Variants in ERC1 observed in about 807,000 individuals in gnomAD.
ERC1 encodes the protein RAB6 interacting protein 2.
ERC1 carries 56 observed loss-of-function variants against 132.0 expected under a neutral mutation model. The observed-to-expected ratio is 0.42, with a 90% confidence interval of 0.34 to 0.53. The LOEUF (loss-of-function observed/expected upper bound fraction) is 0.53. Ranked by LOEUF, ERC1 falls within the 20% of genes least tolerant of loss-of-function variation. The pLI is 0.03. For missense variants in ERC1, 1,202 were observed against 1,349.9 expected (o/e 0.89, Z 1.72); for synonymous variants, 478 against 476.1 (o/e 1.00, Z -0.05).
At chr12:1,082,397 G>A (rs907263685) in intron 2 of ERC1, among the ~76,000 whole-genome samples, 5 of 150,762 alleles carry the variant, frequency 3.3e-5, no homozygotes, top group African/African-American at 1.2e-4. Flanking sequence ...CTGGTGATCC[G>A]CCTGCCTCGG....
At chr12:1,344,236 G>A (rs1002910328) in intron 15 of ERC1, among the ~76,000 whole-genome samples, 26 of 152,056 alleles carry the variant, frequency 1.7e-4, no homozygotes, top group African/African-American at 6.0e-4. Flanking sequence ...GTTGGGGTGG[G>A]GTCTGTCATT....
intron 16 of ERC1, among the ~76,000 whole-genome samples, chr12:1,377,803 G>C (rs1194745754): frequency 6.6e-6 from 1 of 152,056 alleles, no homozygotes; most frequent in East Asian, 1.9e-4. Flanking sequence ...TAGCCACTTG[G>C]AACTTTCCAA....
At chr12:1,010,128 T>G (rs61918689) in intron 1 of ERC1, among the ~76,000 whole-genome samples, 23,405 of 151,870 alleles carry the variant, frequency 0.15, 2,128 homozygotes, top group Non-Finnish European at 0.2. Flanking sequence ...CTTGGTAGAG[T>G]TTATTCAGAG....
At chr12:1,238,129 T>G (rs1162620392) in intron 13 of ERC1, among the ~76,000 whole-genome samples, 1 of 151,852 alleles carries the variant, frequency 6.6e-6, no homozygotes, top group African/African-American at 2.4e-5. Context: ...ACAGTTAATA[T>G]TGGCAGTTTT....
chr12:1,279,062 G>A (rs1352801704), intron 14 of ERC1, among the ~76,000 whole-genome samples: 2 of 152,114 alleles, frequency 1.3e-5, no homozygotes, highest in African/African-American at 4.8e-5. Flanking sequence ...CTAATTGTAT[G>A]TTTTCTCTCT....
chr12:1,123,856 G>A (rs190125780), intron 7 of ERC1, among the ~76,000 whole-genome samples: 13 of 152,314 alleles, frequency 8.5e-5, no homozygotes, highest in African/African-American at 2.9e-4. Flanking sequence ...TGAGCTGGGC[G>A]TGGTGGCACG....
intron 15 of ERC1, among the ~76,000 whole-genome samples, chr12:1,344,602 G>A (rs77844908): frequency 2.0e-5 from 3 of 152,196 alleles, no homozygotes; most frequent in Non-Finnish European, 2.9e-5. Flanking sequence ...AAAAGATACA[G>A]TTAAAAAGAA....
At position 1,159,926 on chromosome 12, in the gene ERC1, A is replaced by G. The variant is rs560988108; in HGVS notation, c.1737+18139A>G. ...GTTCTTGTTTAACGATGTAATGTGTATGAAATCATGCACCTTGGAACCTGT... is the reference window on the plus strand; with the variant it reads ...GTTCTTGTTTAACGATGTAATGTGTGTGAAATCATGCACCTTGGAACCTGT... On this transcript the variant is annotated intron_variant, in intron 8 of 18. Coordinates refer to ENST00000360905, the MANE Select transcript of ERC1 (RefSeq NM_178040.4). 5.3e-5 allele frequency among the ~76,000 whole-genome samples: 8 copies of G among 152,336 alleles called. 1 individual carries two copies. The South Asian group carries it at 1.4e-3, about 28-fold the overall frequency.
intron 12 of ERC1, among the ~76,000 whole-genome samples, chr12:1,227,525 A>G (rs1022117785): frequency 5.3e-5 from 8 of 152,160 alleles, no homozygotes; most frequent in Non-Finnish European, 1.5e-5. Context: ...TTTTCTTGCT[A>G]TTGAGTTATC....
At chr12:1,335,017 T>G (rs2154359547) in intron 15 of ERC1, among the ~76,000 whole-genome samples, 1 of 152,348 alleles carries the variant, frequency 6.6e-6, no homozygotes, top group East Asian at 1.9e-4. Flanking sequence ...CATTCCTGAT[T>G]TGGCTCTTGG....
intron 3 of ERC1, among the ~76,000 whole-genome samples, chr12:1,092,254 C>T (rs1943338233): frequency 6.6e-6 from 1 of 152,170 alleles, no homozygotes; most frequent in Admixed American, 6.5e-5. Context: ...GCCTCGGCCT[C>T]CTAATATGCT....
chr12:1,159,953 A>G (rs1426268977), intron 8 of ERC1, among the ~76,000 whole-genome samples: 2 of 152,210 alleles, frequency 1.3e-5, no homozygotes, highest in African/African-American at 2.4e-5. Flanking sequence ...GGAACCTGTA[A>G]AGTGGTATAT....
In ERC1 at chr12:1,177,556, C is replaced by G. The variant is rs941050564; in HGVS notation, c.1738-2984C>G. 5.3e-5 allele frequency among the ~76,000 whole-genome samples: 8 copies of G among 152,138 alleles called. No individual in the cohort carries two copies. The East Asian group carries it at 1.5e-3, about 29-fold the overall frequency. On this transcript the variant is annotated intron_variant, in intron 8 of 18. Transcript: ENST00000360905. ...GGAGAGAGAAGAGGGAATGATTGAT[C>G]AGTGGAACAGTCAGAACACATGCAA...
intron 3 of ERC1, among the ~76,000 whole-genome samples, chr12:1,091,177 C>T (rs1010460264): frequency 1.3e-5 from 2 of 152,212 alleles, no homozygotes; most frequent in East Asian, 1.9e-4. Context: ...GCGTAAGCTA[C>T]TGCACCCAGC....
At chr12:1,343,863 AG>A (rs1226692206) in intron 15 of ERC1, among the ~76,000 whole-genome samples, 31 of 151,002 alleles carry the variant, frequency 2.1e-4, no homozygotes, top group Non-Finnish European at 1.2e-4. Context: ...TTTTTTTTTA[AG>A]ACAGTCTTGC....
chr12:1,350,929 C>A (rs931448304), intron 15 of ERC1, among the ~76,000 whole-genome samples: 1 of 152,140 alleles, frequency 6.6e-6, no homozygotes, highest in African/African-American at 2.4e-5. Context: ...ACAACCCACT[C>A]TCCTGGGAAC....
intron 16 of ERC1, among the ~76,000 whole-genome samples, chr12:1,400,925 T>A (rs796209282): frequency 0.011 from 638 of 60,188 alleles, 7 homozygotes; most frequent in African/African-American, 0.074. Context: ...TATTTTTTTT[T>A]TTTTTTTTTT....
chr12:999,379 A>G (rs968210035), intron 1 of ERC1, among the ~76,000 whole-genome samples: 21 of 152,166 alleles, frequency 1.4e-4, no homozygotes, highest in Middle Eastern at 3.2e-3. Context: ...CCAGAACGGA[A>G]TGTATGATTC....
intron 12 of ERC1, among the ~76,000 whole-genome samples, chr12:1,231,984 C>T (rs140282052): frequency 0.03 from 4,631 of 152,238 alleles, 92 homozygotes; most frequent in South Asian, 0.057. Flanking sequence ...CATGATCCAC[C>T]CACCTCAGCC....
Sources: allele counts gnomAD v4.1 joint callset (sites outside exome capture counted in the v4.1 genomes callset), GRCh38; gene constraint gnomAD v4.1.1; transcripts MANE v1.5; gene names NCBI Gene and HGNC (gene_info 2026-07-23, HGNC 2026-07-21).